The following PCDHA9 variants were observed in gnomAD, a reference collection of about 807,000 sequenced individuals.
PCDHA9 encodes the protein protocadherin alpha-9.
In PCDHA9, 62 loss-of-function variants were observed where a neutral mutation model predicts 62.0. That is an observed-to-expected ratio of 1.00 (90% CI 0.81 to 1.23). The LOEUF (loss-of-function observed/expected upper bound fraction) is 1.23. Ranked by LOEUF, PCDHA9 falls within the 50% of genes most tolerant of loss-of-function variation. The pLI, the probability that PCDHA9 is intolerant of heterozygous loss-of-function variation, is 0.00. For missense variants in PCDHA9, 1,205 were observed against 1,249.8 expected (o/e 0.96, Z 0.54); for synonymous variants, 557 against 567.6 (o/e 0.98, Z 0.27).
chr5:140,962,087 A>G (rs1284028102), intron 1 of PCDHA9, among the ~76,000 whole-genome samples: 10 of 151,912 alleles, frequency 6.6e-5, no homozygotes, highest in Non-Finnish European at 1.3e-4. Flanking sequence ...GGGTTTCACC[A>G]TGTTAGCCAG....
At chr5:141,009,147 C>A (rs1193433198) in intron 3 of PCDHA9, among the ~76,000 whole-genome samples, 1 of 152,332 alleles carries the variant, frequency 6.6e-6, no homozygotes, top group Admixed American at 6.5e-5. Flanking sequence ...AACCTGCCCT[C>A]TTGCTTGTCT....
rs369053351 is a variant in PCDHA9, at chr5:140,982,539, C to A, written c.2518C>A (p.Pro840Thr). ...AGPGGPDQQW[P>T]TVSSATPEPE... The stretch of plus-strand genomic sequence containing the variant: ...TCCAGGAGGGCCTGATCAGCAGTGG[C>A]CAACAGTATCCAGTGCAACACCAGG... Residue 840 changes from proline (P) to threonine (T), a missense_variant, in exon 3 of 4, where the codon CCA (proline) becomes ACA (threonine). By Grantham distance (38) the Pro-to-Thr change is conservative. Coordinates refer to ENST00000532602, the MANE Select transcript of PCDHA9 (RefSeq NM_031857.2). 29 of 1,614,008 alleles carry A rather than the reference C, an allele frequency of 1.8e-5. No individual in the cohort carries two copies. The highest frequency in any genetic ancestry group is 2.2e-5 in the Non-Finnish European group (26 of 1,180,032).
intron 1 of PCDHA9, chr5:140,870,038 A>G (rs1268813918): frequency 8.1e-6 from 13 of 1,613,620 alleles, no homozygotes; most frequent in Non-Finnish European, 1.1e-5. Flanking sequence ...TATGAAGAAA[A>G]CAAGTTTTAT....
intron 1 of PCDHA9, chr5:140,929,189 A>C (rs782622519): frequency 3.1e-6 from 5 of 1,614,180 alleles, no homozygotes; most frequent in Non-Finnish European, 3.4e-6. Context: ...GGTTCTGATA[A>C]TAACAGTTTG....
chr5:140,925,337 AT>A (rs1197479455), intron 1 of PCDHA9, among the ~76,000 whole-genome samples: 1 of 152,072 alleles, frequency 6.6e-6, no homozygotes, highest in Non-Finnish European at 1.5e-5. Flanking sequence ...TAAAAGAAGG[AT>A]TTGAGTGAGG....
chr5:140,966,678 C>T, intron 1 of PCDHA9: 5 of 1,313,350 alleles, frequency 3.8e-6, no homozygotes, highest in South Asian at 3.6e-5. Context: ...CAGGGTGGCA[C>T]GAGCGGAGGC....
In PCDHA9 at chr5:140,888,751, C is replaced by T. The variant is rs947840835; in HGVS notation, c.2394+37862C>T. On this transcript the variant is annotated intron_variant, in intron 1 of 3. Transcript: ENST00000532602. ...TTGTGAGCTCTAGGAATTATTCTAC[C>T]CACTTTTTTTTTTAATTTTGAAGGG... Among the ~76,000 whole-genome samples, 4 of 151,800 alleles carry T rather than the reference C, an allele frequency of 2.6e-5. No individual in the cohort carries two copies. The South Asian group carries it at 8.3e-4, about 32-fold the overall frequency.
Position 141,009,714 on chromosome 5 carries a change from A to G in PCDHA9, c.2630A>G (p.Lys877Arg), listed in dbSNP as rs1175529844. 1 of 1,613,966 alleles carries G rather than the reference A, an allele frequency of 6.2e-7. No homozygotes were observed. Among genetic ancestry groups the G allele is most frequent in the Non-Finnish European group, 8.5e-7 (1 of 1,180,012 alleles). Reference protein sequence around the residue: ...WTFKYGPGNPKQSGPGELPDK... With the variant: ...WTFKYGPGNPRQSGPGELPDK... ...TTTAAATACGGACCAGGCAACCCCA[A>G]ACAATCCGGTCCCGGTGAGTTGCCC... The change falls in exon 4 of 4, where the codon AAA becomes AGA. Residue 877 changes from lysine to arginine, a missense_variant. By Grantham distance (26) the Lys-to-Arg change is conservative. Transcript: ENST00000532602.
chr5:140,877,782 GGCCTTCAGCCCAA>G, intron 1 of PCDHA9: 1 of 1,614,154 alleles, frequency 6.2e-7, no homozygotes, highest in Non-Finnish European at 8.5e-7. Context: ...CGGACCTCAT[GGCCTTCAGCCCAA>G]GCCTTCAGCT....
intron 3 of PCDHA9, among the ~76,000 whole-genome samples, chr5:140,983,182 C>G (rs782457174): frequency 1.3e-5 from 2 of 152,188 alleles, no homozygotes; most frequent in Non-Finnish European, 2.9e-5. Flanking sequence ...CTCACAATTT[C>G]TTAGTTTAGA....
At chr5:140,870,482 C>T in intron 1 of PCDHA9, 1 of 1,614,244 alleles carries the variant, frequency 6.2e-7, no homozygotes, top group South Asian at 1.1e-5. Flanking sequence ...CCCGAGTACA[C>T]CGTGTTCGTG....
chr5:140,860,428 T>C (rs1198179293), intron 1 of PCDHA9: 11 of 152,026 alleles, frequency 7.2e-5, no homozygotes, highest in Admixed American at 6.5e-4. Flanking sequence ...ATCCTGCAAA[T>C]ATGATCTTTT....
In PCDHA9 at chr5:140,850,645, T is replaced by C; in HGVS notation, c.2150T>C (p.Leu717Pro). The C allele has an allele frequency of 1.3e-6, 2 of 1,598,542 alleles. No individual in the cohort carries two copies. The highest frequency in any genetic ancestry group is 1.1e-5 in the South Asian group (1 of 90,558). Reference sequence around the variant, plus strand: ...AGCCTGTTGGTTCTCACGCTGCTGCTGTACACTGTGCTGCGGTGCTCGGCG... The same window carrying C: ...AGCCTGTTGGTTCTCACGCTGCTGCCGTACACTGTGCTGCGGTGCTCGGCG... ...VSSLLVLTLL[L>P]YTVLRCSAMP... is the part of the protein sequence containing the mutation. The change falls in exon 1 of 4, where the codon CTG becomes CCG. Residue 717 changes from leucine (L) to proline (P), a missense_variant. Physicochemically the swap from Leu to Pro is moderately conservative, Grantham distance 98. Transcript: ENST00000532602.
At chr5:140,909,502 G>A (rs1583705871) in intron 1 of PCDHA9, among the ~76,000 whole-genome samples, 2 of 152,180 alleles carry the variant, frequency 1.3e-5, no homozygotes. Flanking sequence ...CGGGGATGTG[G>A]TGGGAATCAC....
At chr5:140,934,151 A>G (rs1478465122) in intron 1 of PCDHA9, among the ~76,000 whole-genome samples, 3 of 152,088 alleles carry the variant, frequency 2.0e-5, no homozygotes, top group African/African-American at 7.2e-5. Context: ...TTATATGTTT[A>G]TATTTCAGTG....
intron 1 of PCDHA9, among the ~76,000 whole-genome samples, chr5:140,954,250 T>C (rs1018325931): frequency 6.6e-6 from 1 of 152,252 alleles, no homozygotes; most frequent in Non-Finnish European, 1.5e-5. Context: ...AACATACACA[T>C]GCAGGTATCT....
chr5:140,928,106 G>A, intron 1 of PCDHA9: 4 of 1,614,150 alleles, frequency 2.5e-6, no homozygotes, highest in Non-Finnish European at 3.4e-6. Context: ...CCCCTGGACC[G>A]GGAGCAGATC....
intron 1 of PCDHA9, among the ~76,000 whole-genome samples, chr5:140,944,665 A>G (rs782357699): frequency 1.1e-4 from 17 of 152,138 alleles, no homozygotes; most frequent in Non-Finnish European, 2.5e-4. Flanking sequence ...CCCCTTATTT[A>G]TCTATTCTGT....
rs139859573 is a variant in PCDHA9, at chr5:140,940,130, A to G, written c.2395-38819A>G. ...TGTATTATTTACCTCTATTTCTGCT[A>G]GTGATAAACTATTATAGTTTTTGTT... On this transcript the variant is annotated intron_variant, in intron 1 of 3. Transcript: ENST00000532602. Among the ~76,000 whole-genome samples, 378 of 152,286 alleles carry G rather than the reference A, an allele frequency of 2.5e-3. 4 individuals carry two copies. Among genetic ancestry groups the G allele is most frequent in the Non-Finnish European group, 4.6e-3 (313 of 68,020 alleles).
Sources: gnomAD v4.1 joint callset for allele counts (sites outside exome capture counted in the v4.1 genomes callset) on GRCh38, gnomAD v4.1.1 for gene constraint, MANE v1.5 for transcripts, NCBI Gene and HGNC (gene_info 2026-07-23, HGNC 2026-07-21) for gene names.